Variants in ATP6V1H observed in about 807,000 individuals in gnomAD.
ATP6V1H encodes V-type proton ATPase subunit H.
Under a neutral mutation model 71.7 loss-of-function variants are expected in ATP6V1H, and 39 were observed. That is an observed-to-expected ratio of 0.54 (90% CI 0.42 to 0.71). The LOEUF (loss-of-function observed/expected upper bound fraction) is 0.71. Among genes scored for constraint, ATP6V1H ranks in the 30% least tolerant of loss-of-function variants. The pLI, the probability that ATP6V1H is intolerant of heterozygous loss-of-function variation, is 0.00. For missense variants in ATP6V1H, 509 were observed against 594.9 expected (o/e 0.86, Z 1.50); for synonymous variants, 192 against 199.3 (o/e 0.96, Z 0.31).
At chr8:53,781,811 T>G (rs1264668873) in intron 9 of ATP6V1H, among the ~76,000 whole-genome samples, 1 of 152,110 alleles carries the variant, frequency 6.6e-6, no homozygotes, top group Non-Finnish European at 1.5e-5. Context: ...CTTTCCCCAT[T>G]GCTTGTTTTT....
chr8:53,837,162 G>A (rs1166956012), intron 2 of ATP6V1H, among the ~76,000 whole-genome samples: 3 of 151,816 alleles, frequency 2.0e-5, no homozygotes, highest in Admixed American at 1.3e-4. Context: ...AAAAGAGAGA[G>A]TGAATAGGAT....
chr8:53,821,236 G>A (rs1810644045), intron 4 of ATP6V1H, among the ~76,000 whole-genome samples: 1 of 151,128 alleles, frequency 6.6e-6, no homozygotes, highest in Non-Finnish European at 1.5e-5. Context: ...AGCTGGGTAT[G>A]GTGGTGCATG....
intron 13 of ATP6V1H, among the ~76,000 whole-genome samples, chr8:53,723,180 G>A (rs1214132383): frequency 6.6e-6 from 1 of 152,200 alleles, no homozygotes; most frequent in African/African-American, 2.4e-5. Flanking sequence ...GGTGACAGAG[G>A]TTTTTAATTT....
intron 4 of ATP6V1H, among the ~76,000 whole-genome samples, chr8:53,818,085 T>G (rs1232687958): frequency 1.3e-5 from 2 of 152,158 alleles, no homozygotes; most frequent in African/African-American, 4.8e-5. Context: ...AAGAGAAAAT[T>G]CTTAGTTCCA....
chr8:53,746,066 AC>A (rs1487539018), intron 12 of ATP6V1H, among the ~76,000 whole-genome samples: 1 of 152,210 alleles, frequency 6.6e-6, no homozygotes, highest in Non-Finnish European at 1.5e-5. Flanking sequence ...CACACCACTT[AC>A]AGTAATATCA....
intron 13 of ATP6V1H, among the ~76,000 whole-genome samples, chr8:53,721,649 G>C (rs140492277): frequency 1.3e-5 from 2 of 152,128 alleles, no homozygotes; most frequent in East Asian, 3.9e-4. Context: ...GGAGTGTACT[G>C]GTACCAAGTC....
chr8:53,838,257 C>T (rs1811226826), intron 2 of ATP6V1H, among the ~76,000 whole-genome samples: 1 of 152,082 alleles, frequency 6.6e-6, no homozygotes, highest in Non-Finnish European at 1.5e-5. Context: ...TCCCAAGTAG[C>T]TGGGATTACA....
intron 13 of ATP6V1H, among the ~76,000 whole-genome samples, chr8:53,720,950 C>T (rs1356293778): frequency 1.3e-5 from 2 of 152,236 alleles, no homozygotes; most frequent in African/African-American, 2.4e-5. Context: ...TTTGTCATAA[C>T]GATCATTAAA....
chr8:53,753,462 T>A (rs1807873864), intron 12 of ATP6V1H, among the ~76,000 whole-genome samples: 1 of 152,226 alleles, frequency 6.6e-6, no homozygotes, highest in South Asian at 2.1e-4. Context: ...CAGAATTACG[T>A]GAAGGCATAG....
chr8:53,723,413 CT>C (rs1792804697), intron 13 of ATP6V1H, among the ~76,000 whole-genome samples: 1 of 152,156 alleles, frequency 6.6e-6, no homozygotes, highest in South Asian at 2.1e-4. Flanking sequence ...TCCCTCTAGT[CT>C]TTTACAATCC....
chr8:53,839,036 G>A (rs1211863137), intron 2 of ATP6V1H, among the ~76,000 whole-genome samples: 5 of 152,098 alleles, frequency 3.3e-5, no homozygotes, highest in Non-Finnish European at 7.4e-5. Context: ...CGGAGTGGAG[G>A]GGTTTTACAA....
At chr8:53,785,005 A>G (rs1241443800) in intron 9 of ATP6V1H, among the ~76,000 whole-genome samples, 2 of 151,988 alleles carry the variant, frequency 1.3e-5, no homozygotes, top group Non-Finnish European at 2.9e-5. Flanking sequence ...TGAATCTGAC[A>G]ATTATGTGTC....
chr8:53,818,696 G>T (rs370131670), intron 4 of ATP6V1H, among the ~76,000 whole-genome samples: 12 of 152,134 alleles, frequency 7.9e-5, no homozygotes, highest in African/African-American at 2.6e-4. Context: ...TCCATGCAAA[G>T]AAAACAATTT....
intron 7 of ATP6V1H, among the ~76,000 whole-genome samples, chr8:53,808,800 CAAA>C (rs59475877): frequency 1.2e-5 from 1 of 80,420 alleles, no homozygotes; most frequent in Admixed American, 1.4e-4. Context: ...GACTCCATCT[CAAA>C]AAAAAAAAAA....
intron 13 of ATP6V1H, among the ~76,000 whole-genome samples, chr8:53,734,561 A>G (rs535223219): frequency 6.6e-6 from 1 of 152,216 alleles, no homozygotes; most frequent in Non-Finnish European, 1.5e-5. Context: ...CTCCAAGTAC[A>G]TGGGGCATTA....
At chr8:53,828,191 T>C (rs886857595) in intron 4 of ATP6V1H, among the ~76,000 whole-genome samples, 2 of 152,224 alleles carry the variant, frequency 1.3e-5, no homozygotes, top group African/African-American at 2.4e-5. Flanking sequence ...ACCACACTGC[T>C]TTCCTCGATA....
chr8:53,747,763 A>G (rs1807658613), intron 12 of ATP6V1H, among the ~76,000 whole-genome samples: 1 of 151,762 alleles, frequency 6.6e-6, no homozygotes, highest in East Asian at 2.0e-4. Flanking sequence ...GGCTTGTCTC[A>G]AACTCGTGAC....
In ATP6V1H at chr8:53,751,197, A is replaced by G. The variant is rs59675285; in HGVS notation, c.1277+5358T>C. ...GTACTGTGTAAACATGAAAAAAACA[A>G]TATGTCTGATGAAGTGCTGAGGTAG... On this transcript the variant is annotated intron_variant, in intron 12 of 13. Coordinates refer to ENST00000359530, the MANE Select transcript of ATP6V1H (RefSeq NM_015941.4). 2.7e-3 allele frequency among the ~76,000 whole-genome samples: 414 copies of G among 152,328 alleles called. 2 individuals carry two copies. Among genetic ancestry groups the G allele is most frequent in the African/African-American group, 9.1e-3 (378 of 41,578 alleles).
At chr8:53,780,965 A>T (rs927263303) in intron 9 of ATP6V1H, among the ~76,000 whole-genome samples, 7 of 152,170 alleles carry the variant, frequency 4.6e-5, no homozygotes, top group African/African-American at 1.7e-4. Flanking sequence ...GTTGGTTCCA[A>T]GTCTTTGCTA....
Sources: gnomAD v4.1 joint callset for allele counts (sites outside exome capture counted in the v4.1 genomes callset) on GRCh38, gnomAD v4.1.1 for gene constraint, MANE v1.5 for transcripts, NCBI Gene and HGNC (gene_info 2026-07-23, HGNC 2026-07-21) for gene names.